NFIB: variants seen among roughly 807,000 people sequenced by gnomAD.
The protein encoded by NFIB is nuclear factor I B.
A neutral mutation model predicts 61.5 loss-of-function variants in NFIB; 11 were observed. The ratio of observed to expected loss-of-function variants is 0.18; its 90% confidence interval spans 0.11 to 0.30. The LOEUF (loss-of-function observed/expected upper bound fraction) is 0.30. Ranked by LOEUF, NFIB falls within the 10% of genes least tolerant of loss-of-function variation. The pLI, the probability that NFIB is intolerant of heterozygous loss-of-function variation, is 1.00. For missense variants in NFIB, 471 were observed against 608.9 expected, an observed-to-expected ratio of 0.77 and a Z score of 2.38; for synonymous variants, 260 against 216.5, an observed-to-expected ratio of 1.20 and a Z score of -1.76.
At chr9:14,481,478 A>C in the NFIB span, among the ~76,000 whole-genome samples, 1 of 151,732 alleles carries the variant, frequency 6.6e-6, no homozygotes, top group African/African-American at 2.4e-5. Flanking sequence ...AACCCAAAAC[A>C]AGACAAGGGT....
chr9:14,314,787 A>C (rs866021658), upstream of NFIB, among the ~76,000 whole-genome samples: 1 of 133,128 alleles, frequency 7.5e-6, no homozygotes, highest in African/African-American at 2.8e-5. Flanking sequence ...CTACAGAACC[A>C]TGACTTTTTT....
At chr9:14,460,467 C>T in the NFIB span, among the ~76,000 whole-genome samples, 6,521 of 151,554 alleles carry the variant, frequency 0.043, 160 homozygotes, top group Non-Finnish European at 0.054. Context: ...TGTATACACA[C>T]GTAACAAACC....
intron 10 of NFIB, chr9:14,096,655 C>T (rs1190870624): frequency 6.6e-6 from 1 of 152,180 alleles, no homozygotes; most frequent in African/African-American, 2.4e-5. Flanking sequence ...GGAATTACAT[C>T]ATGTCTGGTT....
chr9:14,168,367 A>G (rs911692755), intron 3 of NFIB, among the ~76,000 whole-genome samples: 34 of 152,228 alleles, frequency 2.2e-4, no homozygotes, highest in Admixed American at 1.2e-3. Flanking sequence ...AGTGCACTAA[A>G]TGCTAGTACT....
the NFIB span, among the ~76,000 whole-genome samples, chr9:14,412,587 A>G: frequency 6.6e-6 from 1 of 152,108 alleles, no homozygotes; most frequent in Non-Finnish European, 1.5e-5. Flanking sequence ...CTTTCTTCTC[A>G]TCGGTTGTAG....
chr9:14,330,745 C>T (rs974396785), intron 1 of NFIB, among the ~76,000 whole-genome samples: 4 of 151,878 alleles, frequency 2.6e-5, no homozygotes, highest in African/African-American at 9.7e-5. Flanking sequence ...AGAGTCAACA[C>T]GGTGAATAAT....
chr9:14,218,454 A>T (rs868515962), intron 2 of NFIB, among the ~76,000 whole-genome samples: 4 of 152,160 alleles, frequency 2.6e-5, no homozygotes, highest in African/African-American at 7.2e-5. Context: ...CAGGTGCTTG[A>T]AAAAGACTTT....
intron 4 of NFIB, among the ~76,000 whole-genome samples, chr9:14,154,288 A>C (rs1451296630): frequency 6.6e-6 from 1 of 152,108 alleles, no homozygotes; most frequent in Non-Finnish European, 1.5e-5. Context: ...ATGAAAATAT[A>C]CCATTGAACT....
At chr9:14,222,660 T>C (rs2051821614) in intron 2 of NFIB, among the ~76,000 whole-genome samples, 1 of 151,566 alleles carries the variant, frequency 6.6e-6, no homozygotes, top group African/African-American at 2.4e-5. Flanking sequence ...CCAGGCATGG[T>C]GGCACACACC....
At chr9:14,412,839 G>A in the NFIB span, among the ~76,000 whole-genome samples, 3 of 152,156 alleles carry the variant, frequency 2.0e-5, no homozygotes, top group East Asian at 5.8e-4. Context: ...TTATTTAGGA[G>A]CTTTAAAAAA....
chr9:14,417,602 G>C, the NFIB span, among the ~76,000 whole-genome samples: 1 of 152,154 alleles, frequency 6.6e-6, no homozygotes, highest in Non-Finnish European at 1.5e-5. Flanking sequence ...ATTTATTAAA[G>C]ATATTGAAGT....
At chr9:14,433,951 G>A in the NFIB span, among the ~76,000 whole-genome samples, 464 of 152,200 alleles carry the variant, frequency 3.0e-3, 5 homozygotes, top group African/African-American at 9.7e-3. Context: ...GCCGTGACTC[G>A]GATTCGAACC....
intron 4 of NFIB, among the ~76,000 whole-genome samples, chr9:14,153,103 T>A (rs1321046000): frequency 6.6e-6 from 1 of 152,156 alleles, no homozygotes; most frequent in Non-Finnish European, 1.5e-5. Context: ...TTAATCATTA[T>A]ACACTGTATG....
At chr9:14,488,658 C>T in the NFIB span, among the ~76,000 whole-genome samples, 9 of 152,104 alleles carry the variant, frequency 5.9e-5, no homozygotes, top group Admixed American at 3.9e-4. Context: ...GCAAGGGCCA[C>T]GTACTCATAG....
At chr9:14,306,211 C>T (rs1052417199) in intron 2 of NFIB, among the ~76,000 whole-genome samples, 4 of 151,996 alleles carry the variant, frequency 2.6e-5, no homozygotes, top group Non-Finnish European at 5.9e-5. Flanking sequence ...CCAGTGTAAC[C>T]AGTCCACTTT....
At chr9:14,514,327 T>TACACACACACAC in the NFIB span, among the ~76,000 whole-genome samples, 2 of 147,932 alleles carry the variant, frequency 1.4e-5, no homozygotes, top group Admixed American at 6.7e-5. Context: ...CATACATACA[T>TACACACACACAC]ACACACACAC....
At chr9:14,306,301 T>A (rs939927257) in intron 2 of NFIB, among the ~76,000 whole-genome samples, 6 of 152,348 alleles carry the variant, frequency 3.9e-5, no homozygotes, top group African/African-American at 1.4e-4. Context: ...AAACTAACAT[T>A]ATTAAGTGTT....
At chr9:14,403,089 T>C (rs552659391), upstream of NFIB, among the ~76,000 whole-genome samples, 72 of 152,338 alleles carry the variant, frequency 4.7e-4, no homozygotes, top group African/African-American at 1.6e-3. Context: ...TCTCCACTTA[T>C]GCATTGTTTG....
chr9:14,448,469 G>A, the NFIB span, among the ~76,000 whole-genome samples: 5 of 152,194 alleles, frequency 3.3e-5, no homozygotes, highest in Admixed American at 3.3e-4. Context: ...TAATTCCCAT[G>A]AGAGTGGCAG....
Sources: allele counts gnomAD v4.1 joint callset (sites outside exome capture counted in the v4.1 genomes callset), GRCh38; gene constraint gnomAD v4.1.1; transcripts MANE v1.5; gene names NCBI Gene and HGNC (gene_info 2026-07-23, HGNC 2026-07-21).